Variants in RAB38 observed in about 807,000 individuals in gnomAD.
The protein encoded by RAB38 is ras-related protein Rab-38.
RAB38 carries 15 observed loss-of-function variants against 18.4 expected under a neutral mutation model. The ratio of observed to expected loss-of-function variants is 0.82; its 90% CI spans 0.55 to 1.26. The LOEUF is 1.26. RAB38 is among the 50% of genes most tolerant of loss of function. The pLI is 0.00. For synonymous variants in RAB38, 101 were observed against 104.4 expected, an observed-to-expected ratio of 0.97 and a Z score of 0.20; for missense variants, 294 against 267.4, an observed-to-expected ratio of 1.10 and a Z score of -0.69.
the RAB38 span, among the ~76,000 whole-genome samples, chr11:87,947,485 T>G: frequency 6.6e-6 from 1 of 152,206 alleles, no homozygotes; most frequent in African/African-American, 2.4e-5. Context: ...CTGAATGGTA[T>G]TGCCTAGGGT....
the RAB38 span, among the ~76,000 whole-genome samples, chr11:88,046,215 TATC>T: frequency 2.6e-5 from 4 of 152,166 alleles, no homozygotes; most frequent in Non-Finnish European, 4.4e-5. Context: ...AAAGCTTTGT[TATC>T]ACTGGCCTGC....
chr11:87,856,142 C>T, the RAB38 span, among the ~76,000 whole-genome samples: 88 of 152,268 alleles, frequency 5.8e-4, no homozygotes, highest in Middle Eastern at 3.4e-3. Flanking sequence ...TATCATTTTC[C>T]TCCTGGACAT....
chr11:87,926,439 A>T, the RAB38 span, among the ~76,000 whole-genome samples: 1 of 152,066 alleles, frequency 6.6e-6, no homozygotes, highest in Non-Finnish European at 1.5e-5. Flanking sequence ...TCTGTGCCTC[A>T]TCTGTAAAAT....
At chr11:88,042,411 C>T in the RAB38 span, among the ~76,000 whole-genome samples, 2 of 152,320 alleles carry the variant, frequency 1.3e-5, no homozygotes, top group Middle Eastern at 3.4e-3. Context: ...CCTGAGGGCT[C>T]TTTTCCTGTA....
chr11:88,147,037 C>T (rs1441308100), intron 2 of RAB38, among the ~76,000 whole-genome samples: 1 of 152,182 alleles, frequency 6.6e-6, no homozygotes, highest in Non-Finnish European at 1.5e-5. Context: ...CAAGGAACGT[C>T]AGAGTGAGGT....
At chr11:87,878,278 C>A in the RAB38 span, among the ~76,000 whole-genome samples, 4 of 137,294 alleles carry the variant, frequency 2.9e-5, no homozygotes, top group Admixed American at 8.3e-5. Context: ...ATCTATCTAT[C>A]TATCTATCTA....
At chr11:88,011,004 G>A in the RAB38 span, among the ~76,000 whole-genome samples, 8 of 152,190 alleles carry the variant, frequency 5.3e-5, no homozygotes, top group South Asian at 1.2e-3. Context: ...TCTGAAATTT[G>A]TCTCCCTGGC....
chr11:88,007,067 A>G, the RAB38 span, among the ~76,000 whole-genome samples: 8 of 151,948 alleles, frequency 5.3e-5, no homozygotes, highest in Admixed American at 1.3e-4. Context: ...CCCTGATGTG[A>G]TGATTACACA....
chr11:87,816,323 G>A, the RAB38 span: 1 of 152,374 alleles, frequency 6.6e-6, no homozygotes, highest in Non-Finnish European at 1.5e-5. Context: ...GTTAACTGTG[G>A]TGCTGTGGGT....
At chr11:88,123,749 A>G (rs1305318717) in intron 2 of RAB38, among the ~76,000 whole-genome samples, 1 of 152,236 alleles carries the variant, frequency 6.6e-6, no homozygotes, top group Non-Finnish European at 1.5e-5. Context: ...TATAAGGCAG[A>G]GATAATACCC....
chr11:88,065,780 C>G, the RAB38 span, among the ~76,000 whole-genome samples: 2 of 152,146 alleles, frequency 1.3e-5, no homozygotes, highest in African/African-American at 4.8e-5. Context: ...AGAAGGTGAA[C>G]TCATAGTTTA....
At chr11:88,062,214 A>G in the RAB38 span, 1 of 152,086 alleles carries the variant, frequency 6.6e-6, no homozygotes, top group African/African-American at 2.4e-5. Context: ...TGATTCGATC[A>G]CGGGGGTGGT....
chr11:88,075,917 T>C, the RAB38 span, among the ~76,000 whole-genome samples: 2 of 148,422 alleles, frequency 1.3e-5, no homozygotes, highest in African/African-American at 2.5e-5. Flanking sequence ...GCAGAAAAAC[T>C]TCAAACAACC....
the RAB38 span, among the ~76,000 whole-genome samples, chr11:87,961,283 T>A: frequency 6.6e-6 from 1 of 152,146 alleles, no homozygotes; most frequent in African/African-American, 2.4e-5. Flanking sequence ...GCCTAAGGAC[T>A]AACCTCAGAA....
chr11:88,037,147 T>A, the RAB38 span, among the ~76,000 whole-genome samples: 1 of 152,078 alleles, frequency 6.6e-6, no homozygotes, highest in Non-Finnish European at 1.5e-5. Context: ...ATTTTATACG[T>A]CAATCAGTTT....
At chr11:87,853,916 C>T in the RAB38 span, among the ~76,000 whole-genome samples, 1 of 152,178 alleles carries the variant, frequency 6.6e-6, no homozygotes, top group Non-Finnish European at 1.5e-5. Flanking sequence ...TCTGATTATT[C>T]AGCTACTGAC....
At chr11:88,028,143 C>G in the RAB38 span, among the ~76,000 whole-genome samples, 2 of 152,204 alleles carry the variant, frequency 1.3e-5, no homozygotes, top group African/African-American at 4.8e-5. Context: ...CTCTAGCAAA[C>G]TCCAACAGAC....
chr11:88,170,524 A>G (rs931132685), intron 1 of RAB38, among the ~76,000 whole-genome samples: 5 of 152,216 alleles, frequency 3.3e-5, no homozygotes, highest in Admixed American at 6.5e-5. Flanking sequence ...CTAAAACAAC[A>G]TAACAATGTG....
the RAB38 span, among the ~76,000 whole-genome samples, chr11:88,045,191 T>C: frequency 6.6e-6 from 1 of 152,170 alleles, no homozygotes; most frequent in Non-Finnish European, 1.5e-5. Flanking sequence ...ACATGCATTT[T>C]ATTTTATTAC....
Sources: gnomAD v4.1 joint callset for allele counts (sites outside exome capture counted in the v4.1 genomes callset) on GRCh38, gnomAD v4.1.1 for gene constraint, MANE v1.5 for transcripts, NCBI Gene and HGNC (gene_info 2026-07-23, HGNC 2026-07-21) for gene names.